The following PLB1 variants were observed in gnomAD, a reference collection of about 807,000 sequenced individuals.
PLB1 encodes phospholipase B1.
In PLB1, 242 loss-of-function variants were observed where a neutral mutation model predicts 227.4. The ratio of observed to expected loss-of-function variants is 1.06; its 90% CI spans 0.96 to 1.18. PLB1 has a LOEUF of 1.18. Ranked by LOEUF, PLB1 falls within the 50% of genes most tolerant of loss-of-function variation. The probability of loss-of-function intolerance (pLI) is 0.00; values close to 1 mark genes in which losing one functional copy is unlikely to be tolerated. For missense variants in PLB1, 1,858 were observed against 1,816.3 expected (o/e 1.02, Z -0.42); for synonymous variants, 757 against 682.2 (o/e 1.11, Z -1.71).
chr2:28,521,782 GC>G (rs1049695449), intron 4 of PLB1, among the ~76,000 whole-genome samples: 15 of 150,856 alleles, frequency 9.9e-5, no homozygotes, highest in African/African-American at 3.7e-4. Flanking sequence ...GATCTCAGCA[GC>G]CCCAGCTGGA....
At position 28,529,405 on chromosome 2, in the gene PLB1, T is replaced by C. The variant is rs144640748; in HGVS notation, c.414T>C (p.Ala138=). The change falls in exon 7 of 58, where the codon GCT becomes GCC. Residue 138 remains alanine, a splice_region_variant and synonymous_variant. Coordinates refer to ENST00000327757, the MANE Select transcript of PLB1 (RefSeq NM_153021.5). ...TGKRVIPHDG[A]EDLWIQAQEL... ...AGAGAGTCATACCCCACGATGGTGC[T>C]GAGTAAGTTCCCTTTCTGTCTCTCT... 9.2e-4 allele frequency: 1,462 copies of C among 1,594,000 alleles called. 6 individuals carry two copies. The highest frequency in any genetic ancestry group is 6.1e-3 in the Middle Eastern group (37 of 6,036).
At chr2:28,527,229 C>T (rs1670387228) in intron 6 of PLB1, among the ~76,000 whole-genome samples, 1 of 152,178 alleles carries the variant, frequency 6.6e-6, no homozygotes, top group African/African-American at 2.4e-5. Flanking sequence ...TCTGAGTGCC[C>T]CTCTCTAAGC....
In PLB1 at chr2:28,567,340, A is replaced by T. The variant is rs1212988562; in HGVS notation, c.1324+501A>T. 2.0e-5 allele frequency among the ~76,000 whole-genome samples: 3 copies of T among 152,122 alleles called. 1 individual carries two copies. Among genetic ancestry groups the T allele is most frequent in the African/African-American group, 7.2e-5 (3 of 41,424 alleles). On this transcript the variant is annotated intron_variant, in intron 20 of 57. Coordinates refer to ENST00000327757, the MANE Select transcript of PLB1 (RefSeq NM_153021.5). Reference sequence around the variant, plus strand: ...AGATATTGAATTGCGGGGTTGCTGTAGGAACCGCTGCTATTGCCGCAGGAG... The same window carrying T: ...AGATATTGAATTGCGGGGTTGCTGTTGGAACCGCTGCTATTGCCGCAGGAG...
At chr2:28,580,240 C>T (rs992669708) in intron 23 of PLB1, among the ~76,000 whole-genome samples, 1 of 152,234 alleles carries the variant, frequency 6.6e-6, no homozygotes, top group African/African-American at 2.4e-5. Flanking sequence ...ACAGGGCATA[C>T]CCACTAGTCT....
At chr2:28,549,590 G>A (rs1489262620) in intron 15 of PLB1, among the ~76,000 whole-genome samples, 1 of 151,576 alleles carries the variant, frequency 6.6e-6, no homozygotes, top group Admixed American at 6.6e-5. Context: ...TAATTTTTTT[G>A]TATTTTTAGT....
At chr2:28,532,592 A>G (rs768393328) in intron 9 of PLB1, among the ~76,000 whole-genome samples, 3 of 152,226 alleles carry the variant, frequency 2.0e-5, no homozygotes, top group Non-Finnish European at 4.4e-5. Flanking sequence ...CCCTCATATC[A>G]GGAAAAGGAA....
chr2:28,518,345 T>C (rs1669100819), intron 2 of PLB1, 121 bp from the exon 3 acceptor site: 4 of 759,526 alleles, frequency 5.3e-6, no homozygotes, highest in Admixed American at 4.0e-5. Flanking sequence ...GGGCAATTGT[T>C]GTTTCTAGAT....
intron 36 of PLB1, 39 bp downstream of exon 36, chr2:28,600,899 C>T: frequency 6.4e-7 from 1 of 1,562,020 alleles, no homozygotes; most frequent in Non-Finnish European, 8.8e-7. Context: ...CATTAATTTT[C>T]TAACCCACTA....
chr2:28,547,930 A>G (rs1056903329), intron 14 of PLB1, among the ~76,000 whole-genome samples: 4 of 152,168 alleles, frequency 2.6e-5, no homozygotes. Context: ...CTAAGTTGAT[A>G]ATCTGCTGGT....
At chr2:28,556,927 T>C (rs370181047) in intron 17 of PLB1, among the ~76,000 whole-genome samples, 12 of 152,146 alleles carry the variant, frequency 7.9e-5, no homozygotes, top group East Asian at 5.8e-4. Context: ...CAAAAGCCAA[T>C]ATGAAAAATG....
intron 46 of PLB1, among the ~76,000 whole-genome samples, chr2:28,619,926 C>G (rs1686779876): frequency 3.3e-5 from 5 of 152,130 alleles, no homozygotes. Context: ...GTAACAGAAA[C>G]TGGAGTCAGT....
chr2:28,589,909 C>T, intron 28 of PLB1, 96 bp from the exon 29 acceptor site: 1 of 1,372,254 alleles, frequency 7.3e-7, no homozygotes, highest in Non-Finnish European at 1.0e-6. Context: ...CCATCTCCTT[C>T]ATCCCTCCCT....
At position 28,632,084 on chromosome 2, in the gene PLB1, G is replaced by A. The variant is rs965591217; in HGVS notation, c.3946G>A (p.Asp1316Asn). The A allele has an allele frequency of 2.0e-5, 33 of 1,614,068 alleles. No individual in the cohort carries two copies. Among genetic ancestry groups the A allele is most frequent in the Non-Finnish European group, 2.5e-5 (30 of 1,180,040 alleles). ...CTGGCACCAATACACACAGCGTGAG[G>A]ACTTTGCGGTTGTGGTGCAGCCTTT... is the stretch of plus-strand genomic sequence containing the variant. ...SYWHQYTQRE[D>N]FAVVVQPFFQ... Residue 1316 changes from aspartate to asparagine, a missense_variant, in exon 55 of 58, where the codon GAC becomes AAC. By Grantham distance (23) the Asp-to-Asn change is conservative. Transcript: ENST00000327757.
intron 34 of PLB1, 139 bp from the exon 35 acceptor site, chr2:28,598,513 C>T: frequency 1.5e-6 from 1 of 678,044 alleles, no homozygotes; most frequent in Non-Finnish European, 2.6e-6. Context: ...CCAGGACACA[C>T]ACTGCCTCCC....
intron 17 of PLB1, among the ~76,000 whole-genome samples, chr2:28,555,607 T>G (rs1170879072): frequency 6.6e-6 from 1 of 152,244 alleles, no homozygotes; most frequent in Non-Finnish European, 1.5e-5. Flanking sequence ...CTAATCAAAA[T>G]AATCTGATAT....
intron 1 of PLB1, among the ~76,000 whole-genome samples, chr2:28,497,447 C>G (rs779718854): frequency 6.6e-6 from 1 of 152,180 alleles, no homozygotes; most frequent in Non-Finnish European, 1.5e-5. Flanking sequence ...TTCAGATCTG[C>G]TCTGGTTGGA....
chr2:28,527,214 A>C (rs1670384454), intron 6 of PLB1, among the ~76,000 whole-genome samples: 1 of 152,196 alleles, frequency 6.6e-6, no homozygotes, highest in Non-Finnish European at 1.5e-5. Flanking sequence ...TTGCCCTGTT[A>C]CAAGTCTGAG....
At chr2:28,517,745 T>C (rs748849310) in intron 2 of PLB1, among the ~76,000 whole-genome samples, 81 of 152,234 alleles carry the variant, frequency 5.3e-4, no homozygotes, top group Admixed American at 9.8e-4. Context: ...CTTAATTACT[T>C]CTTTTCACTA....
At chr2:28,598,155 G>A in intron 34 of PLB1, 107 bp downstream of exon 34, 2 of 944,828 alleles carry the variant, frequency 2.1e-6, no homozygotes, top group South Asian at 3.2e-5. Context: ...CTGCCTTATG[G>A]CCCAGCATTT....
Sources: allele counts gnomAD v4.1 joint callset (sites outside exome capture counted in the v4.1 genomes callset), GRCh38; gene constraint gnomAD v4.1.1; transcripts MANE v1.5; gene names NCBI Gene and HGNC (gene_info 2026-07-23, HGNC 2026-07-21).